CSGALNACT1: variants seen among roughly 807,000 people sequenced by gnomAD.
The protein encoded by CSGALNACT1 is chondroitin sulfate N-acetylgalactosaminyltransferase 1.
A neutral mutation model predicts 51.0 loss-of-function variants in CSGALNACT1; 52 were observed. The observed-to-expected ratio is 1.02, with a 90% CI of 0.82 to 1.29. CSGALNACT1 has a LOEUF of 1.29. Ranked by LOEUF, CSGALNACT1 falls within the 50% of genes most tolerant of loss-of-function variation. The pLI is 0.00. For missense variants in CSGALNACT1, 935 were observed against 679.2 expected, an observed-to-expected ratio of 1.38 and a Z score of -4.19; for synonymous variants, 341 against 254.4, an observed-to-expected ratio of 1.34 and a Z score of -3.24.
Position 19,757,553 on chromosome 8 carries a change from G to C in CSGALNACT1, c.-297+297C>G, listed in dbSNP as rs562988116. Among the ~76,000 whole-genome samples, 47 of 152,278 alleles carry C rather than the reference G, an allele frequency of 3.1e-4. No individual in the cohort carries two copies. Among genetic ancestry groups the C allele is most frequent in the African/African-American group, 1.1e-3 (46 of 41,590 alleles). The stretch of plus-strand genomic sequence containing the variant: ...CGGAAGGGGCCGCGCTCGGACACCA[G>C]GGGCGGTTTACGCGTGACTGGACAC... On this transcript the variant is annotated intron_variant, in intron 1 of 1. Coordinates refer to the CSGALNACT1 transcript ENST00000517494. The surrounding 1 kb of genome is among the most constrained non-coding windows in gnomAD (Gnocchi z 4.0).
chr8:19,548,887 C>T (rs1391017428), intron 3 of CSGALNACT1, among the ~76,000 whole-genome samples: 1 of 152,172 alleles, frequency 6.6e-6, no homozygotes, highest in African/African-American at 2.4e-5. Context: ...GGTGCAGTCA[C>T]AGCTCACTGC....
chr8:19,647,267 C>T (rs533463240), intron 1 of CSGALNACT1, among the ~76,000 whole-genome samples: 167 of 152,118 alleles, frequency 1.1e-3, no homozygotes, highest in African/African-American at 3.5e-3. Flanking sequence ...AATGGCTACA[C>T]GAGGCTACAC....
intron 1 of CSGALNACT1, among the ~76,000 whole-genome samples, chr8:19,651,540 T>A (rs1309364031): frequency 4.6e-5 from 7 of 152,238 alleles, no homozygotes; most frequent in Non-Finnish European, 7.3e-5. Context: ...CCTGCATTAA[T>A]TCACTTAGGA....
chr8:19,434,180 T>A (rs1279623489), intron 6 of CSGALNACT1, among the ~76,000 whole-genome samples: 8 of 152,354 alleles, frequency 5.3e-5, no homozygotes, highest in Non-Finnish European at 1.2e-4. Context: ...GAGAGGAGTG[T>A]TTGCAGAGGC....
intron 1 of CSGALNACT1, among the ~76,000 whole-genome samples, chr8:19,721,586 G>T (rs897875279): frequency 3.9e-5 from 6 of 152,198 alleles, no homozygotes; most frequent in Admixed American, 3.9e-4. Context: ...GGGAGAAATG[G>T]CTTCTAGCTA....
chr8:19,450,296 G>C (rs1371866980), intron 5 of CSGALNACT1, among the ~76,000 whole-genome samples: 1 of 149,230 alleles, frequency 6.7e-6, no homozygotes, highest in Non-Finnish European at 1.5e-5. Flanking sequence ...GGAGGAGAAG[G>C]AGGAGGAGGA....
At chr8:19,478,589 T>A (rs1176380099) in intron 4 of CSGALNACT1, among the ~76,000 whole-genome samples, 1 of 152,122 alleles carries the variant, frequency 6.6e-6, no homozygotes, top group Non-Finnish European at 1.5e-5. Flanking sequence ...AATCCAGTGA[T>A]TCCTGCAAGG....
chr8:19,600,456 G>A (rs1239900814), intron 2 of CSGALNACT1, among the ~76,000 whole-genome samples: 1 of 152,040 alleles, frequency 6.6e-6, no homozygotes, highest in African/African-American at 2.4e-5. Flanking sequence ...TGGTCTACAT[G>A]GGGTTGTAAT....
At chr8:19,625,943 A>C (rs1642803908) in intron 1 of CSGALNACT1, among the ~76,000 whole-genome samples, 1 of 152,254 alleles carries the variant, frequency 6.6e-6, no homozygotes, top group African/African-American at 2.4e-5. Context: ...AGCCTTTTCA[A>C]AAGTTATTTG....
At chr8:19,473,396 T>C (rs1398320621) in intron 4 of CSGALNACT1, among the ~76,000 whole-genome samples, 2 of 152,188 alleles carry the variant, frequency 1.3e-5, no homozygotes, top group Non-Finnish European at 2.9e-5. Context: ...AAACCCTGCC[T>C]TGTATAACAC....
chr8:19,547,138 C>T (rs1435247674), intron 3 of CSGALNACT1, among the ~76,000 whole-genome samples: 3 of 152,130 alleles, frequency 2.0e-5, no homozygotes, highest in Non-Finnish European at 2.9e-5. Flanking sequence ...GGCCAGGACA[C>T]GAAGGGCTCC....
rs2057168175 is a variant in CSGALNACT1 at position 19,645,366 on chromosome 8, T to TA, written c.-544+37106dup. 2.0e-5 allele frequency among the ~76,000 whole-genome samples: 3 copies of TA among 152,308 alleles called. No individual in the cohort carries two copies. The South Asian group carries it at 6.2e-4, about 32-fold the overall frequency. ...GTCCAACTGAAGATAACAAAAGCTATAAAACAACACTCAAGCACCAAATTC... is the reference window on the plus strand; with the variant it reads ...GTCCAACTGAAGATAACAAAAGCTATAAAAACAACACTCAAGCACCAAATTC... On this transcript the variant is annotated intron_variant, in intron 1 of 9. Transcript: ENST00000332246.
chr8:19,735,296 T>G (rs1341254099), intron 1 of CSGALNACT1, among the ~76,000 whole-genome samples: 2 of 152,062 alleles, frequency 1.3e-5, no homozygotes, highest in Non-Finnish European at 2.9e-5. Flanking sequence ...CCCCAAAATT[T>G]CCATATCAAA....
intron 7 of CSGALNACT1, 36 bp from the exon 7 acceptor site, chr8:19,418,786 C>T (rs762678424): frequency 3.6e-6 from 5 of 1,407,590 alleles, no homozygotes; most frequent in South Asian, 1.2e-5. Context: ...CTTAAAGTGA[C>T]AGATCCAAGT....
chr8:19,749,662 G>A (rs1452804570), intron 1 of CSGALNACT1, among the ~76,000 whole-genome samples: 1 of 152,068 alleles, frequency 6.6e-6, no homozygotes, highest in Non-Finnish European at 1.5e-5. Flanking sequence ...CTGCAAGCAG[G>A]GCCCTATACA....
intron 3 of CSGALNACT1, among the ~76,000 whole-genome samples, chr8:19,552,164 G>T (rs575531059): frequency 6.6e-6 from 1 of 151,940 alleles, no homozygotes; most frequent in Non-Finnish European, 1.5e-5. Flanking sequence ...ACCATGAAAA[G>T]AAGACTAATG....
At chr8:19,503,553 G>A (rs970172086) in intron 4 of CSGALNACT1, among the ~76,000 whole-genome samples, 11 of 152,090 alleles carry the variant, frequency 7.2e-5, no homozygotes, top group Non-Finnish European at 1.6e-4. Flanking sequence ...ACACCCCAGG[G>A]AGAGTGACAA....
chr8:19,682,656 A>C (rs1359609324), upstream of CSGALNACT1: 1 of 453,958 alleles, frequency 2.2e-6, no homozygotes, highest in African/African-American at 2.0e-5. Flanking sequence ...AACAGCCAAA[A>C]CCACAAGGAA....
chr8:19,430,493 G>A (rs949919434), intron 6 of CSGALNACT1, among the ~76,000 whole-genome samples: 2 of 152,070 alleles, frequency 1.3e-5, no homozygotes, highest in Non-Finnish European at 2.9e-5. Context: ...TGATGATCTG[G>A]TACCCTTGTT....
Sources: gnomAD v4.1 joint callset for allele counts (sites outside exome capture counted in the v4.1 genomes callset) on GRCh38, gnomAD v4.1.1 for gene constraint, Gnocchi (gnomAD v3.1) non-coding constraint, MANE v1.5 for transcripts, NCBI Gene and HGNC (gene_info 2026-07-23, HGNC 2026-07-21) for gene names.